Variants in LIME1 observed in about 807,000 individuals in gnomAD.
LIME1 encodes lck-interacting transmembrane adapter 1.
Under a neutral mutation model 18.8 loss-of-function variants are expected in LIME1, and 23 were observed. That is an observed-to-expected ratio of 1.22 (90% CI 0.88 to 1.73). The LOEUF is 1.73. Among genes scored for constraint, LIME1 ranks in the 40% most tolerant of loss-of-function variants. LIME1 has a pLI of 0.00. For missense variants in LIME1, 423 were observed against 396.8 expected, an observed-to-expected ratio of 1.07 and a Z score of -0.56; for synonymous variants, 177 against 182.3, an observed-to-expected ratio of 0.97 and a Z score of 0.23.
In LIME1 at chr20:63,737,963, TCG is replaced by T; in HGVS notation, c.181-8_181-7del. On this transcript the variant is annotated splice_polypyrimidine_tract_variant and splice_region_variant and intron_variant, in intron 3 of 5. Coordinates refer to ENST00000309546, the MANE Select transcript of LIME1 (RefSeq NM_017806.4). ...TCCGCAGGGCACCGACCAGCCTTCC[TCG>T]CCCCCAGTCCCTACTGAGGCGGACC... 1 of 1,569,654 alleles carries T rather than the reference TCG, an allele frequency of 6.4e-7. No homozygotes were observed.
At chr20:63,737,186 C>G (rs1275330) in intron 1 of LIME1, 244,658 of 1,042,268 alleles carry the variant, frequency 0.23, 31,101 homozygotes, top group East Asian at 0.61. Context: ...AGTCTGTGGC[C>G]TGTGGCGCAC....
Position 63,737,971 on chromosome 20 carries a change from A to G in LIME1, c.181-2A>G. ...GCACCGACCAGCCTTCCTCGCCCCC[A>G]GTCCCTACTGAGGCGGACCCACCTC... On this transcript the variant is annotated splice_acceptor_variant, in intron 3 of 5. Transcript: ENST00000309546. LOFTEE classifies it high-confidence loss of function. The G allele has an allele frequency of 1.3e-6, 2 of 1,571,648 alleles. No homozygotes were observed. The highest frequency in any genetic ancestry group is 1.7e-6 in the Non-Finnish European group (2 of 1,160,756).
chr20:63,735,822 G>T, upstream of LIME1: 2 of 1,611,736 alleles, frequency 1.2e-6, no homozygotes, highest in Non-Finnish European at 1.7e-6. Context: ...AAGCTGGCAG[G>T]AGCCCAGCGC....
chr20:63,735,830 C>G, upstream of LIME1: 2 of 1,612,082 alleles, frequency 1.2e-6, no homozygotes, highest in East Asian at 2.2e-5. Flanking sequence ...AGGAGCCCAG[C>G]GCCAGCTGGG....
At position 63,737,624 on chromosome 20, in the gene LIME1, G is replaced by C. The variant is rs1237587763; in HGVS notation, c.75G>C (p.Trp25Cys). The change falls in exon 2 of 6, where the codon TGG becomes TGC. Residue 25 changes from tryptophan (W) to cysteine (C), a missense_variant. Trp to Cys is a radical substitution (Grantham distance 215). Coordinates refer to ENST00000309546, the MANE Select transcript of LIME1 (RefSeq NM_017806.4). Reference protein sequence around the residue: ...LGCCALLLSLWALCTACRRPE... With the variant: ...LGCCALLLSLCALCTACRRPE... ...GCTGCGCCCTGCTCCTCTCGCTGTG[G>C]GCGCTGTGCACAGCCTGCCGCAGGT... The C allele has an allele frequency of 1.3e-6, 2 of 1,599,522 alleles. No individual in the cohort carries two copies. The highest frequency in any genetic ancestry group is 2.7e-5 in the African/African-American group (2 of 74,368).
upstream of LIME1, chr20:63,735,892 C>A (rs2091985318): frequency 6.2e-7 from 1 of 1,612,826 alleles, no homozygotes. Context: ...GGAAGGCAGA[C>A]ACCCACAAGA....
chr20:63,737,787 A>ACCCC, intron 2 of LIME1, 34 bp from the exon 3 acceptor site: 2 of 1,322,766 alleles, frequency 1.5e-6, no homozygotes, highest in Non-Finnish European at 1.0e-6. Flanking sequence ...GAGGCTGACG[A>ACCCC]CCCCGCCCCC....
chr20:63,736,729 G>A lies in LIME1; in HGVS notation c.-18+17G>A, dbSNP rs998085481. 1 of 985,744 alleles carries A rather than the reference G, an allele frequency of 1.0e-6. No individual in the cohort carries two copies. The highest frequency in any genetic ancestry group is 1.7e-5 in the African/African-American group (1 of 57,316). The allele number at this position is 985,744 out of a possible 1,614,324, so 61.1% of individuals were successfully genotyped here. A position where few individuals can be genotyped will look rare whatever the true frequency, so the allele number is the denominator to read the frequency against. ...GTGGGCTTGGTAAGTGCCCTCCTGG[G>A]GGGCAGCTGGGGTCTGGGAGGCCTT... is the stretch of plus-strand genomic sequence containing the variant. On this transcript the variant is annotated intron_variant, in intron 1 of 5. Transcript: ENST00000309546.
Position 63,737,793 on chromosome 20 carries a change from C to T in LIME1, c.99-28C>T, listed in dbSNP as rs766456558. ...CTTGGACCCGAGGCTGACGACCCCG[C>T]CCCCCGCCCCCCACCTCTACCCCCA... is the stretch of plus-strand genomic sequence containing the variant. On this transcript the variant is annotated intron_variant, in intron 2 of 5. Transcript: ENST00000309546. The T allele has an allele frequency of 2.0e-5, 25 of 1,250,470 alleles. No individual in the cohort carries two copies. The African/African-American group carries it at 3.5e-4, about 17-fold the overall frequency. 77.5% of individuals were successfully genotyped at this position (1,250,470 alleles called of 1,614,324 possible). A position where few individuals can be genotyped will look rare whatever the true frequency, so the allele number is the denominator to read the frequency against.
chr20:63,736,580 A>G, upstream of LIME1: 2 of 985,486 alleles, frequency 2.0e-6, no homozygotes, highest in Non-Finnish European at 2.4e-6. Flanking sequence ...GCTGCTGCCC[A>G]GGGTGGGAGG....
chr20:63,738,522 G>A (rs780856863), intron 5 of LIME1, 23 bp downstream of exon 5: 13 of 1,508,484 alleles, frequency 8.6e-6, no homozygotes, highest in Admixed American at 2.3e-5. Flanking sequence ...AGGGTAGGGC[G>A]CTGTGGGTGG....
chr20:63,738,899 GAA>G lies in LIME1; in HGVS notation c.888_*1del. ...AGACCCCTCCCTGCCTCCCTGCCCT[GAA>G]CACTCAAGGACCTGTGCTCCTTCCT... is the stretch of plus-strand genomic sequence containing the variant. On this transcript the variant is annotated stop_lost and 3_prime_UTR_variant, in exon 6 of 6. Coordinates refer to ENST00000309546, the MANE Select transcript of LIME1 (RefSeq NM_017806.4). The G allele has an allele frequency of 1.3e-6, 2 of 1,591,690 alleles. No homozygotes were observed. Among genetic ancestry groups the G allele is most frequent in the Non-Finnish European group, 8.6e-7 (1 of 1,169,338 alleles).
chr20:63,735,962 G>A (rs373323421), upstream of LIME1: 49 of 1,582,348 alleles, frequency 3.1e-5, no homozygotes, highest in Admixed American at 6.9e-5. Flanking sequence ...ACCCCAGCAC[G>A]GGCTGCCCTC....
At chr20:63,735,720 G>A (rs2091981640), upstream of LIME1, 10 of 1,552,352 alleles carry the variant, frequency 6.4e-6, no homozygotes, top group East Asian at 2.4e-5. Context: ...CAGTGGGTAC[G>A]GCAGACTGGG....
chr20:63,737,964 C>T lies in LIME1; in HGVS notation c.181-9C>T. On this transcript the variant is annotated splice_polypyrimidine_tract_variant and intron_variant, in intron 3 of 5. Transcript: ENST00000309546. ...CCGCAGGGCACCGACCAGCCTTCCT[C>T]GCCCCCAGTCCCTACTGAGGCGGAC... 2.5e-6 allele frequency: 4 copies of T among 1,569,910 alleles called. No individual in the cohort carries two copies. The highest frequency in any genetic ancestry group is 1.2e-5 in the South Asian group (1 of 86,498).
chr20:63,735,740 A>G, upstream of LIME1: 1 of 1,561,848 alleles, frequency 6.4e-7, no homozygotes, highest in Non-Finnish European at 8.7e-7. Context: ...GGTTGGTGGC[A>G]TGGCCCAGGA....
At chr20:63,735,877 G>C (rs749787061), upstream of LIME1, 1 of 1,612,930 alleles carries the variant, frequency 6.2e-7, no homozygotes, top group Non-Finnish European at 8.5e-7. Flanking sequence ...TGCAGCAGGA[G>C]CAGAGGAAGG....
At chr20:63,738,118 A>G in intron 4 of LIME1, 58 bp downstream of exon 4, 1 of 1,523,286 alleles carries the variant, frequency 6.6e-7, no homozygotes, top group Non-Finnish European at 8.8e-7. Flanking sequence ...GCGCGTGCCA[A>G]CCCCTGGGCC....
chr20:63,737,305 C>T (rs1411031426), intron 1 of LIME1: 10 of 1,263,766 alleles, frequency 7.9e-6, no homozygotes, highest in Non-Finnish European at 9.9e-6. Context: ...CGCAGGGACA[C>T]GGAGGGGCCA....
Sources: allele counts gnomAD v4.1 joint callset, GRCh38; gene constraint gnomAD v4.1.1; transcripts MANE v1.5; gene names NCBI Gene and HGNC (gene_info 2026-07-23, HGNC 2026-07-21).